The following EPM2AIP1 variants were observed in gnomAD, a reference collection of about 807,000 sequenced individuals.
The protein encoded by EPM2AIP1 is EPM2A-interacting protein 1.
A neutral mutation model predicts 44.8 loss-of-function variants in EPM2AIP1; 23 were observed. The ratio of observed to expected loss-of-function variants is 0.51; its 90% CI spans 0.37 to 0.73. EPM2AIP1 has a LOEUF of 0.73. EPM2AIP1 is among the 30% of genes least tolerant of loss of function. The pLI, the probability that EPM2AIP1 is intolerant of heterozygous loss-of-function variation, is 0.00. For synonymous variants in EPM2AIP1, 311 were observed against 284.3 expected (o/e 1.09, Z -0.94); for missense variants, 652 against 743.9 (o/e 0.88, Z 1.44).
In EPM2AIP1 at chr3:36,992,787, AGCT is replaced by A; in HGVS notation, c.288_290del (p.Arg96_Ala97delinsSer). ...GGCAGAGCCCGAGGCCTGCACGAGCAGCTCTCTCTTCAGGAGTGAAGGAGGCCA... is the reference window on the plus strand; with the variant it reads ...GGCAGAGCCCGAGGCCTGCACGAGCACTCTCTTCAGGAGTGAAGGAGGCCA... On this transcript the variant is annotated inframe_deletion, in exon 1 of 1. Transcript: ENST00000322716. The surrounding 1 kb of genome is among the most constrained non-coding windows in gnomAD (Gnocchi z 5.3). 1 of 1,613,562 alleles carries A rather than the reference AGCT, an allele frequency of 6.2e-7. No individual in the cohort carries two copies. The highest frequency in any genetic ancestry group is 8.5e-7 in the Non-Finnish European group (1 of 1,179,892).
rs956014344 is a variant in EPM2AIP1 at position 36,987,390 on chromosome 3, C to A, written c.*3864G>T. The A allele has an allele frequency of 6.7e-6, 1 of 148,828 alleles. No homozygotes were observed. Among genetic ancestry groups the A allele is most frequent in the Non-Finnish European group, 1.5e-5 (1 of 67,372 alleles). The allele number at this position is 148,828 out of a possible 1,614,324, so 9.2% of individuals were successfully genotyped here. A position where few individuals can be genotyped will look rare whatever the true frequency, so the allele number is the denominator to read the frequency against. On this transcript the variant is annotated 3_prime_UTR_variant, in exon 1 of 1. Transcript: ENST00000322716. ...TTGTTTTAGTTCACTAAGTAGTTGT[C>A]TAATCTTTTCCCTCTATATGTAGGT...
rs577121040 is a variant in EPM2AIP1 at position 36,989,853 on chromosome 3, T to C, written c.*1401A>G. Reference sequence around the variant, plus strand: ...CACAACTTTGGTTTTTAAGCTCTTATGCCATTTATTTTAATTGCCCAGACA... The same window carrying C: ...CACAACTTTGGTTTTTAAGCTCTTACGCCATTTATTTTAATTGCCCAGACA... On this transcript the variant is annotated 3_prime_UTR_variant, in exon 1 of 1. Transcript: ENST00000322716. 12 of 152,334 alleles carry C rather than the reference T, an allele frequency of 7.9e-5. No homozygotes were observed. The South Asian group carries it at 2.1e-3, about 26-fold the overall frequency. The allele number at this position is 152,334 out of a possible 1,614,324, so 9.4% of individuals were successfully genotyped here. A position where few individuals can be genotyped will look rare whatever the true frequency, so the allele number is the denominator to read the frequency against.
At position 36,990,690 on chromosome 3, in the gene EPM2AIP1, G is replaced by A. The variant is rs191635486; in HGVS notation, c.*564C>T. ...GAGGTGGGTGATGGGGAGGGAAGAG[G>A]GAAGAAATCTGTCAGTATTACCTTC... On this transcript the variant is annotated 3_prime_UTR_variant, in exon 1 of 1. Coordinates refer to ENST00000322716, the MANE Select transcript of EPM2AIP1 (RefSeq NM_014805.4). 4 of 985,520 alleles carry A rather than the reference G, an allele frequency of 4.1e-6. No homozygotes were observed. In the East Asian group the frequency reaches 4.5e-4, roughly 112 times the overall value. The allele number at this position is 985,520 out of a possible 1,614,324, so 61.0% of individuals were successfully genotyped here.
rs370683042 is a variant in EPM2AIP1, at chr3:36,991,382, G to C, written c.1696C>G (p.Arg566Gly). The C allele has an allele frequency of 3.7e-6, 6 of 1,613,976 alleles. No homozygotes were observed. Among genetic ancestry groups the C allele is most frequent in the Admixed American group, 3.3e-5 (2 of 60,016 alleles). The change falls in exon 1 of 1, where the codon CGA becomes GGA. Residue 566 changes from arginine (R) to glycine (G), a missense_variant. Physicochemically the swap from Arg to Gly is moderately radical, Grantham distance 125. Coordinates refer to ENST00000322716, the MANE Select transcript of EPM2AIP1 (RefSeq NM_014805.4). ...GGCTGACTCAAAGTGTGTTGGTTTC[G>C]AGTCAAATATGAAAAAGCCTTTTCA... The part of the protein sequence containing the change: ...ICEKAFSYLT[R>G]NQHTLSQPLT...
In EPM2AIP1 at chr3:36,990,894, T is replaced by C. The variant is rs2080798787; in HGVS notation, c.*360A>G. On this transcript the variant is annotated 3_prime_UTR_variant, in exon 1 of 1. Coordinates refer to ENST00000322716, the MANE Select transcript of EPM2AIP1 (RefSeq NM_014805.4). The stretch of plus-strand genomic sequence containing the variant: ...TTTAAGACTATATGAATCAGAATTT[T>C]AACACTCCATTAAAATAAGAGCTGA... 2 of 1,000,210 alleles carry C rather than the reference T, an allele frequency of 2.0e-6. No individual in the cohort carries two copies. The highest frequency in any genetic ancestry group is 1.7e-5 in the African/African-American group (1 of 57,660). 62.0% of individuals were successfully genotyped at this position (1,000,210 alleles called of 1,614,324 possible).
rs778569984 is a variant in EPM2AIP1 at position 36,992,147 on chromosome 3, T to C, written c.931A>G (p.Arg311Gly). 6.2e-7 allele frequency: 1 copy of C among 1,614,070 alleles called. No individual in the cohort carries two copies. The highest frequency in any genetic ancestry group is 8.5e-7 in the Non-Finnish European group (1 of 1,179,900). Residue 311 changes from arginine to glycine, a missense_variant, in exon 1 of 1, where the codon AGA (arginine) becomes GGA (glycine). Physicochemically the swap from Arg to Gly is moderately radical, Grantham distance 125. Transcript: ENST00000322716. This position sits in a 1 kb window ranked among gnomAD's most constrained non-coding sequence, Gnocchi z 5.3. ...TGAAATTCAGGTCGCCTAACGCCTC[T>C]GGTCTTAATCAAAACTATCCATTCG... ...ISEWIVLIKT[R>G]GVRRPEFQTL... is the part of the protein sequence containing the mutation.
Position 36,991,109 on chromosome 3 carries a change from T to C in EPM2AIP1, c.*145A>G. The C allele has an allele frequency of 7.4e-7, 1 of 1,350,110 alleles. No homozygotes were observed. The highest frequency in any genetic ancestry group is 2.3e-5 in the South Asian group (1 of 44,076). The allele number at this position is 1,350,110 out of a possible 1,614,324, so 83.6% of individuals were successfully genotyped here. ...CATTTGAGATGAAAAAAAAGGCAAC[T>C]GTCAGAATTTTAATTGTGATCAGTT... is the stretch of plus-strand genomic sequence containing the variant. On this transcript the variant is annotated 3_prime_UTR_variant, in exon 1 of 1. Coordinates refer to ENST00000322716, the MANE Select transcript of EPM2AIP1 (RefSeq NM_014805.4).
chr3:36,991,726 T>C lies in EPM2AIP1; in HGVS notation c.1352A>G (p.Asp451Gly), dbSNP rs368540000. Reference protein sequence around the residue: ...VDELKQQNKEDEKIFDPDRYQ... With the variant: ...VDELKQQNKEGEKIFDPDRYQ... Reference sequence around the variant, plus strand: ...CCTATCAGGATCAAATATTTTTTCATCTTCCTTATTTTGCTGTTTTAGCTC... The same window carrying C: ...CCTATCAGGATCAAATATTTTTTCACCTTCCTTATTTTGCTGTTTTAGCTC... Residue 451 changes from aspartate to glycine, a missense_variant, in exon 1 of 1, where the codon GAT becomes GGT. Asp to Gly is a moderately conservative substitution (Grantham distance 94). Coordinates refer to ENST00000322716, the MANE Select transcript of EPM2AIP1 (RefSeq NM_014805.4). 1 of 1,613,740 alleles carries C rather than the reference T, an allele frequency of 6.2e-7. No homozygotes were observed. Among genetic ancestry groups the C allele is most frequent in the African/African-American group, 1.3e-5 (1 of 75,034 alleles).
At position 36,991,236 on chromosome 3, in the gene EPM2AIP1, A is replaced by T; in HGVS notation, c.*18T>A. Reference sequence around the variant, plus strand: ...AATTAAATTCTTGTTGAGTTTTTCAATCTTGTACTACAAAGCCTTATGGAT... The same window carrying T: ...AATTAAATTCTTGTTGAGTTTTTCATTCTTGTACTACAAAGCCTTATGGAT... On this transcript the variant is annotated 3_prime_UTR_variant, in exon 1 of 1. Transcript: ENST00000322716. 1 of 1,544,756 alleles carries T rather than the reference A, an allele frequency of 6.5e-7. No individual in the cohort carries two copies. Among genetic ancestry groups the T allele is most frequent in the African/African-American group, 1.4e-5 (1 of 72,234 alleles).
chr3:36,992,879 G>A lies in EPM2AIP1; in HGVS notation c.199C>T (p.Arg67Trp). 6.2e-7 allele frequency: 1 copy of A among 1,611,576 alleles called. No individual in the cohort carries two copies. Reference sequence around the variant, plus strand: ...GCGCGCTCGCCGTCCGCCACATACCGCTCGTAGTATTCGTGCTCAGCCTCG... The same window carrying A: ...GCGCGCTCGCCGTCCGCCACATACCACTCGTAGTATTCGTGCTCAGCCTCG... ...HYEAEHEYYE[R>W]YVADGERAAL... Residue 67 changes from arginine (R) to tryptophan (W), a missense_variant, in exon 1 of 1, where the codon CGG becomes TGG. Transcript: ENST00000322716. This position sits in a 1 kb window ranked among gnomAD's most constrained non-coding sequence, Gnocchi z 5.3.
chr3:36,990,931 T>C lies in EPM2AIP1; in HGVS notation c.*323A>G. ...AAAATAAGAGCTGAAATTTTTGGCA[T>C]TTATCTTCAGAACACCTAAAAAACA... On this transcript the variant is annotated 3_prime_UTR_variant, in exon 1 of 1. Transcript: ENST00000322716. 9.8e-7 allele frequency: 1 copy of C among 1,017,792 alleles called. No homozygotes were observed. The highest frequency in any genetic ancestry group is 1.2e-6 in the Non-Finnish European group (1 of 850,940). 63.0% of individuals were successfully genotyped at this position (1,017,792 alleles called of 1,614,324 possible).
At position 36,992,869 on chromosome 3, in the gene EPM2AIP1, G is replaced by A. The variant is rs1409937449; in HGVS notation, c.209C>T (p.Ala70Val). The change falls in exon 1 of 1, where the codon GCG (alanine) becomes GTG (valine). Residue 70 changes from alanine to valine, a missense_variant. Coordinates refer to ENST00000322716, the MANE Select transcript of EPM2AIP1 (RefSeq NM_014805.4). The surrounding 1 kb of genome is among the most constrained non-coding windows in gnomAD (Gnocchi z 5.3). ...CACCAGGGCCGCGCGCTCGCCGTCCGCCACATACCGCTCGTAGTATTCGTG... is the reference window on the plus strand; with the variant it reads ...CACCAGGGCCGCGCGCTCGCCGTCCACCACATACCGCTCGTAGTATTCGTG... The part of the protein sequence containing the change: ...AEHEYYERYV[A>V]DGERAALVER... The A allele has an allele frequency of 1.2e-6, 2 of 1,610,916 alleles. No individual in the cohort carries two copies. Among genetic ancestry groups the A allele is most frequent in the Admixed American group, 1.7e-5 (1 of 59,982 alleles).
rs1428302208 is a variant in EPM2AIP1, at chr3:36,993,058, C to T, written c.20G>A (p.Arg7Lys). 1.2e-6 allele frequency: 2 copies of T among 1,606,488 alleles called. No individual in the cohort carries two copies. Among genetic ancestry groups the T allele is most frequent in the Non-Finnish European group, 1.7e-6 (2 of 1,175,358 alleles). Residue 7 changes from arginine (R) to lysine (K), a missense_variant, in exon 1 of 1, where the codon AGA becomes AAA. Physicochemically the swap from Arg to Lys is conservative, Grantham distance 26. Coordinates refer to ENST00000322716, the MANE Select transcript of EPM2AIP1 (RefSeq NM_014805.4). ...AGCCTCGTCGACTTCCATCTTGCTT[C>T]TTTTGGGCGTCATCCACATTCTGCG... MWMTPK[R>K]SKMEVDEALV...
Position 36,991,875 on chromosome 3 carries a change from A to C in EPM2AIP1, c.1203T>G (p.Ser401Arg). Reference protein sequence around the residue: ...LRELSEELRVSKVFAAAAFDH... With the variant: ...LRELSEELRVRKVFAAAAFDH... The stretch of plus-strand genomic sequence containing the variant: ...CAAAGGCAGCAGCAGCAAAGACTTT[A>C]CTAACTCGTAATTCTTCACTGAGTT... Residue 401 changes from serine to arginine, a missense_variant, in exon 1 of 1, where the codon AGT becomes AGG. Physicochemically the swap from Ser to Arg is moderately radical, Grantham distance 110. Coordinates refer to ENST00000322716, the MANE Select transcript of EPM2AIP1 (RefSeq NM_014805.4). 1 of 1,614,026 alleles carries C rather than the reference A, an allele frequency of 6.2e-7. No individual in the cohort carries two copies. The highest frequency in any genetic ancestry group is 8.5e-7 in the Non-Finnish European group (1 of 1,179,894).
chr3:36,991,691 C>T lies in EPM2AIP1; in HGVS notation c.1387G>A (p.Val463Met). The T allele has an allele frequency of 6.2e-7, 1 of 1,612,930 alleles. No individual in the cohort carries two copies. The highest frequency in any genetic ancestry group is 1.1e-5 in the South Asian group (1 of 91,006). The part of the protein sequence containing the change: ...KIFDPDRYQM[V>M]ICRLQKEFER... ...AATTCTTTTTGGAGACGACAGATCA[C>T]CATTTGATACCTATCAGGATCAAAT... is the stretch of plus-strand genomic sequence containing the variant. The change falls in exon 1 of 1, where the codon GTG becomes ATG. Residue 463 changes from valine to methionine, a missense_variant. Transcript: ENST00000322716.
Position 36,990,783 on chromosome 3 carries a change from TGTATGG to T in EPM2AIP1, c.*465_*470del. The T allele has an allele frequency of 1.0e-6, 1 of 986,008 alleles. No homozygotes were observed. The highest frequency in any genetic ancestry group is 1.2e-6 in the Non-Finnish European group (1 of 830,330). The allele number at this position is 986,008 out of a possible 1,614,324, so 61.1% of individuals were successfully genotyped here. Reference sequence around the variant, plus strand: ...GTTAGACAAAACACCTCCACTGTTATGTATGGGCTTCCTTTTTGGAAACTTATGAAC... The same window carrying T: ...GTTAGACAAAACACCTCCACTGTTATGCTTCCTTTTTGGAAACTTATGAAC... On this transcript the variant is annotated 3_prime_UTR_variant, in exon 1 of 1. Transcript: ENST00000322716.
Position 36,992,221 on chromosome 3 carries a change from A to C in EPM2AIP1, c.857T>G (p.Leu286Arg), listed in dbSNP as rs375379887. ...AACATCTACATCATAGGAGCTCAAC[A>C]GTTCCAAGTGAAGAAATCCTGAATA... ...IHYSGFLHLE[L>R]LSSYDVDVNQ... Residue 286 changes from leucine to arginine, a missense_variant, in exon 1 of 1, where the codon CTG becomes CGG. Coordinates refer to ENST00000322716, the MANE Select transcript of EPM2AIP1 (RefSeq NM_014805.4). This position sits in a 1 kb window ranked among gnomAD's most constrained non-coding sequence, Gnocchi z 5.3. 2.5e-6 allele frequency: 4 copies of C among 1,613,934 alleles called. No homozygotes were observed. The African/African-American group carries it at 5.3e-5, about 22-fold the overall frequency.
Position 36,990,500 on chromosome 3 carries a change from T to C in EPM2AIP1, c.*754A>G, listed in dbSNP as rs187318406. 1,531 of 979,246 alleles carry C rather than the reference T, an allele frequency of 1.6e-3. 1 individual carries two copies. Among genetic ancestry groups the C allele is most frequent in the Non-Finnish European group, 1.8e-3 (1,453 of 825,352 alleles). 60.7% of individuals were successfully genotyped at this position (979,246 alleles called of 1,614,324 possible). On this transcript the variant is annotated 3_prime_UTR_variant, in exon 1 of 1. Transcript: ENST00000322716. ...AACCATTAAGATTCTATACTTACCA[T>C]AGTCCTTTAATAGGCAAGCTGATAA...
chr3:36,991,876 C>A lies in EPM2AIP1; in HGVS notation c.1202G>T (p.Ser401Ile). Residue 401 changes from serine (S) to isoleucine (I), a missense_variant, in exon 1 of 1, where the codon AGT becomes ATT. Coordinates refer to ENST00000322716, the MANE Select transcript of EPM2AIP1 (RefSeq NM_014805.4). ...LRELSEELRV[S>I]KVFAAAAFDH... is the part of the protein sequence containing the mutation. ...AAAGGCAGCAGCAGCAAAGACTTTA[C>A]TAACTCGTAATTCTTCACTGAGTTC... 6.2e-7 allele frequency: 1 copy of A among 1,613,954 alleles called. No individual in the cohort carries two copies. Among genetic ancestry groups the A allele is most frequent in the African/African-American group, 1.3e-5 (1 of 75,036 alleles).
Sources: gnomAD v4.1 joint callset for allele counts on GRCh38, gnomAD v4.1.1 for gene constraint, Gnocchi (gnomAD v3.1) non-coding constraint, MANE v1.5 for transcripts, NCBI Gene and HGNC (gene_info 2026-07-23, HGNC 2026-07-21) for gene names.